Variants in FGF1 observed in about 807,000 individuals in gnomAD.
FGF1 encodes the protein fibroblast growth factor 1, also known as beta-endothelial cell growth factor.
In FGF1, 9 loss-of-function variants were observed where a neutral mutation model predicts 13.4. That is an observed-to-expected ratio of 0.67 (90% CI 0.40 to 1.17). The LOEUF (loss-of-function observed/expected upper bound fraction) is 1.17. FGF1 is among the 50% of genes most tolerant of loss of function. The pLI is 0.01. For missense variants in FGF1, 156 were observed against 192.7 expected, an observed-to-expected ratio of 0.81 and a Z score of 1.13; for synonymous variants, 93 against 79.0, an observed-to-expected ratio of 1.18 and a Z score of -0.94.
intron 1 of FGF1, among the ~76,000 whole-genome samples, chr5:142,620,345 GA>G (rs1214524774): frequency 6.6e-6 from 1 of 152,110 alleles, no homozygotes; most frequent in Non-Finnish European, 1.5e-5. Context: ...GTGAACCCAG[GA>G]GGCGGAGCTT....
In FGF1 at chr5:142,619,030, G is replaced by A. The variant is rs574517946; in HGVS notation, c.-34-4869C>T. Among the ~76,000 whole-genome samples, 142 of 146,408 alleles carry A rather than the reference G, an allele frequency of 9.7e-4. 1 individual carries two copies. The highest frequency in any genetic ancestry group is 3.6e-3 in the African/African-American group (140 of 38,954). ...GCTCACTGCAAGCTCCGCCTCCCAG[G>A]TTCACGCCATTCTCCTGCCTCAGCC... On this transcript the variant is annotated intron_variant, in intron 1 of 3. Transcript: ENST00000337706.
intron 1 of FGF1, among the ~76,000 whole-genome samples, chr5:142,644,999 GGAA>G (rs764878507): frequency 6.6e-6 from 1 of 152,192 alleles, no homozygotes; most frequent in Non-Finnish European, 1.5e-5. Flanking sequence ...GCTTTGGCAA[GGAA>G]GAAGATCTTC....
At chr5:142,664,517 C>T (rs1315710062) in intron 1 of FGF1, among the ~76,000 whole-genome samples, 1 of 152,214 alleles carries the variant, frequency 6.6e-6, no homozygotes, top group African/African-American at 2.4e-5. Flanking sequence ...CTCAGATGCA[C>T]ATATTTTCAG....
chr5:142,689,416 ATGG>A, upstream of FGF1, among the ~76,000 whole-genome samples: 1 of 152,330 alleles, frequency 6.6e-6, no homozygotes, highest in South Asian at 2.1e-4. Context: ...GCAGACATTC[ATGG>A]GAAATTGTAT....
chr5:142,697,661 G>A (rs953718360), exon 2 of FGF1: 2 of 152,366 alleles, frequency 1.3e-5, no homozygotes, highest in Non-Finnish European at 2.9e-5. Flanking sequence ...TTCTGGGGCA[G>A]TGACAGCTTC....
chr5:142,616,411 C>T (rs1348474423), intron 1 of FGF1, among the ~76,000 whole-genome samples: 1 of 152,220 alleles, frequency 6.6e-6, no homozygotes, highest in Non-Finnish European at 1.5e-5. Context: ...ATGTCCCCTC[C>T]ATCCCATATG....
intron 1 of FGF1, among the ~76,000 whole-genome samples, chr5:142,684,145 G>T (rs1323247139): frequency 6.6e-6 from 1 of 152,212 alleles, no homozygotes; most frequent in African/African-American, 2.4e-5. Context: ...GCAGTCCCAA[G>T]ATCCTAATAG....
chr5:142,690,271 G>A (rs570135508), upstream of FGF1, among the ~76,000 whole-genome samples: 270 of 152,132 alleles, frequency 1.8e-3, 1 homozygote, highest in African/African-American at 6.3e-3. Flanking sequence ...CCCGGGAGGC[G>A]GAGCTTGCAG....
intron 3 of FGF1, 44 bp downstream of exon 3, chr5:142,600,658 T>C (rs745345957): frequency 1.4e-6 from 2 of 1,389,192 alleles, no homozygotes; most frequent in Non-Finnish European, 2.1e-6. Flanking sequence ...TCTGGAAACC[T>C]CAAACCTTGG....
intron 1 of FGF1, among the ~76,000 whole-genome samples, chr5:142,672,198 C>T (rs2152029998): frequency 6.6e-6 from 1 of 152,112 alleles, no homozygotes; most frequent in East Asian, 1.9e-4. Flanking sequence ...TCAATGTTAC[C>T]AATATTTTAA....
At chr5:142,631,779 CTTTTTTTT>C (rs34929420) in intron 1 of FGF1, among the ~76,000 whole-genome samples, 64 of 92,932 alleles carry the variant, frequency 6.9e-4, no homozygotes, top group Admixed American at 1.1e-3. Flanking sequence ...TTTAAATTAG[CTTTTTTTT>C]TTTTTTTTTT....
chr5:142,672,471 A>G (rs562178300), intron 1 of FGF1, among the ~76,000 whole-genome samples: 1 of 145,196 alleles, frequency 6.9e-6, no homozygotes, highest in African/African-American at 2.5e-5. Context: ...AACGTTTTGG[A>G]TGCTCTCCTT....
At chr5:142,605,084 A>G (rs1236915063) in intron 2 of FGF1, among the ~76,000 whole-genome samples, 1 of 151,978 alleles carries the variant, frequency 6.6e-6, no homozygotes, top group African/African-American at 2.4e-5. Context: ...TAGGTAATCA[A>G]GGAAGTTTTT....
At chr5:142,619,259 A>G (rs1200254487) in intron 1 of FGF1, among the ~76,000 whole-genome samples, 1 of 152,132 alleles carries the variant, frequency 6.6e-6, no homozygotes, top group African/African-American at 2.4e-5. Flanking sequence ...AATCCCTGTC[A>G]CTGTGTAAGC....
chr5:142,618,929 G>GTTTTTTTTTTTTT (rs869093279), intron 1 of FGF1, among the ~76,000 whole-genome samples: 8 of 61,250 alleles, frequency 1.3e-4, no homozygotes, highest in African/African-American at 3.5e-4. Context: ...TAGTTGTTTT[G>GTTTTTTTTTTTTT]TTTTTTTTTT....
intron 1 of FGF1, among the ~76,000 whole-genome samples, chr5:142,655,155 T>G (rs1214440585): frequency 6.6e-6 from 1 of 152,194 alleles, no homozygotes; most frequent in Non-Finnish European, 1.5e-5. Context: ...AGGATTAACT[T>G]GGTTCAACGT....
At chr5:142,672,668 C>A (rs971871876) in intron 1 of FGF1, among the ~76,000 whole-genome samples, 2 of 152,036 alleles carry the variant, frequency 1.3e-5, no homozygotes, top group African/African-American at 4.8e-5. Flanking sequence ...CCATGCCTGG[C>A]TAATTTTTGT....
chr5:142,641,039 G>T (rs1327996250), intron 1 of FGF1, among the ~76,000 whole-genome samples: 1 of 152,018 alleles, frequency 6.6e-6, no homozygotes, highest in African/African-American at 2.4e-5. Flanking sequence ...AAAAGGAGAA[G>T]AGTTTTGATT....
At chr5:142,639,354 G>A (rs1034929578) in intron 1 of FGF1, among the ~76,000 whole-genome samples, 4 of 151,952 alleles carry the variant, frequency 2.6e-5, no homozygotes, top group Admixed American at 6.6e-5. Flanking sequence ...TAAAGAAAAT[G>A]TGGTATATAC....
Sources: allele counts gnomAD v4.1 joint callset (sites outside exome capture counted in the v4.1 genomes callset), GRCh38; gene constraint gnomAD v4.1.1; transcripts MANE v1.5; gene names NCBI Gene and HGNC (gene_info 2026-07-23, HGNC 2026-07-21).